NYAP2: variants seen among roughly 807,000 people sequenced by gnomAD.
NYAP2 encodes the protein neuronal tyrosine-phosphorylated phosphoinositide-3-kinase adaptor 2.
Under a neutral mutation model 50.4 loss-of-function variants are expected in NYAP2, and 23 were observed. The observed-to-expected ratio is 0.46, with a 90% CI of 0.33 to 0.65. The LOEUF is 0.65. Among genes scored for constraint, NYAP2 ranks in the 30% least tolerant of loss-of-function variants. The pLI, the probability that NYAP2 is intolerant of heterozygous loss-of-function variation, is 0.02. For synonymous variants in NYAP2, 394 were observed against 365.2 expected, an observed-to-expected ratio of 1.08 and a Z score of -0.90; for missense variants, 885 against 861.0, an observed-to-expected ratio of 1.03 and a Z score of -0.35.
intron 3 of NYAP2, among the ~76,000 whole-genome samples, chr2:225,496,163 G>A (rs1690501561): frequency 6.6e-6 from 1 of 152,194 alleles, no homozygotes; most frequent in Non-Finnish European, 1.5e-5. Context: ...GAGAGCTAAG[G>A]TTGAAAACGC....
chr2:225,543,794 A>T (rs1691518738), intron 4 of NYAP2, among the ~76,000 whole-genome samples: 1 of 152,064 alleles, frequency 6.6e-6, no homozygotes, highest in South Asian at 2.1e-4. Context: ...TATAGTTCAG[A>T]TTAAGTCCGA....
chr2:225,499,382 C>CA (rs1559196631), intron 3 of NYAP2, among the ~76,000 whole-genome samples: 5 of 151,724 alleles, frequency 3.3e-5, no homozygotes, highest in African/African-American at 1.2e-4. Context: ...TGGCGCCATC[C>CA]GCTCACTGCA....
chr2:225,661,975 C>T, the NYAP2 span, among the ~76,000 whole-genome samples: 5 of 152,250 alleles, frequency 3.3e-5, no homozygotes, highest in South Asian at 2.1e-4. Context: ...CTGCCCACCT[C>T]GGCCTCCCAA....
chr2:225,618,538 TAGG>T, intron 5 of NYAP2, among the ~76,000 whole-genome samples: 1 of 152,314 alleles, frequency 6.6e-6, no homozygotes, highest in East Asian at 1.9e-4. Flanking sequence ...GAAAAGGAAT[TAGG>T]AGAAGTCTTC....
the NYAP2 span, among the ~76,000 whole-genome samples, chr2:225,689,919 T>C: frequency 3.3e-5 from 5 of 152,154 alleles, no homozygotes; most frequent in Non-Finnish European, 7.4e-5. Flanking sequence ...AAGTAACTTA[T>C]ACAATGTCAT....
At chr2:225,519,972 T>A (rs1347374449) in intron 4 of NYAP2, among the ~76,000 whole-genome samples, 10 of 152,148 alleles carry the variant, frequency 6.6e-5, no homozygotes, top group Non-Finnish European at 1.2e-4. Context: ...TTCTAACTGG[T>A]GTGAGATGGT....
chr2:225,692,528 C>T, the NYAP2 span, among the ~76,000 whole-genome samples: 8 of 152,180 alleles, frequency 5.3e-5, no homozygotes, highest in South Asian at 1.2e-3. Context: ...TATGCTTTAG[C>T]TCTCTGCCTC....
At chr2:225,493,409 A>G (rs1157379265) in intron 3 of NYAP2, among the ~76,000 whole-genome samples, 1 of 152,226 alleles carries the variant, frequency 6.6e-6, no homozygotes, top group Non-Finnish European at 1.5e-5. Flanking sequence ...CAGGATCATG[A>G]ACTGGAGCTT....
At chr2:225,413,961 TA>T (rs1178305437) in intron 3 of NYAP2, among the ~76,000 whole-genome samples, 5 of 152,292 alleles carry the variant, frequency 3.3e-5, no homozygotes, top group African/African-American at 9.6e-5. Context: ...AAGGATTGCT[TA>T]AAAAATGGAA....
chr2:225,579,868 G>A (rs1393514729), intron 4 of NYAP2, among the ~76,000 whole-genome samples: 1 of 152,164 alleles, frequency 6.6e-6, no homozygotes, highest in African/African-American at 2.4e-5. Flanking sequence ...GATAATGAAA[G>A]CAAATTATAA....
At chr2:225,549,921 G>T (rs1173420656) in intron 4 of NYAP2, among the ~76,000 whole-genome samples, 1 of 151,860 alleles carries the variant, frequency 6.6e-6, no homozygotes, top group East Asian at 1.9e-4. Context: ...GGAGGCAGAG[G>T]TTGCAGTGAG....
At chr2:225,496,084 C>T (rs994119610) in intron 3 of NYAP2, among the ~76,000 whole-genome samples, 1 of 152,156 alleles carries the variant, frequency 6.6e-6, no homozygotes, top group Non-Finnish European at 1.5e-5. Flanking sequence ...ACAAGATTTA[C>T]AGCAATTGAG....
At chr2:225,648,090 T>C (rs1693665735) in intron 6 of NYAP2, among the ~76,000 whole-genome samples, 1 of 152,176 alleles carries the variant, frequency 6.6e-6, no homozygotes, top group Non-Finnish European at 1.5e-5. Flanking sequence ...AACCTCTGCC[T>C]CCCAGGTTCA....
At chr2:225,512,762 CTTTCTCTT>C (rs1041100724) in intron 3 of NYAP2, among the ~76,000 whole-genome samples, 8 of 135,658 alleles carry the variant, frequency 5.9e-5, no homozygotes, top group East Asian at 4.3e-4. Flanking sequence ...TTTCTTCTTT[CTTTCTCTT>C]TTTCTCTTTT....
At chr2:225,508,915 C>T (rs909234512) in intron 3 of NYAP2, among the ~76,000 whole-genome samples, 1 of 152,206 alleles carries the variant, frequency 6.6e-6, no homozygotes, top group African/African-American at 2.4e-5. Context: ...CCATGGCTGC[C>T]ACAGTTCACT....
rs139083371 is a variant in NYAP2 at position 225,570,083 on chromosome 2, A to C, written c.524-11858A>C. ...ATGGACATCCCATGTCTAGAACAGG[A>C]GGAGAGTGATTTGGAAACAAGCTAC... On this transcript the variant is annotated intron_variant, in intron 4 of 6. Coordinates refer to ENST00000636099, the Ensembl canonical transcript of NYAP2. Among the ~76,000 whole-genome samples the C allele has an allele frequency of 1.4e-3, 218 of 152,308 alleles. 1 individual carries two copies. Among genetic ancestry groups the C allele is most frequent in the African/African-American group, 4.9e-3 (203 of 41,550 alleles).
chr2:225,466,890 G>A (rs1030892248), intron 3 of NYAP2, among the ~76,000 whole-genome samples: 18 of 152,300 alleles, frequency 1.2e-4, no homozygotes, highest in African/African-American at 3.8e-4. Flanking sequence ...AGGAGAGGCC[G>A]AGGCAAGTTT....
intron 4 of NYAP2, among the ~76,000 whole-genome samples, chr2:225,579,246 A>T (rs1214302831): frequency 6.6e-6 from 1 of 152,164 alleles, no homozygotes; most frequent in Non-Finnish European, 1.5e-5. Flanking sequence ...TAGGGCTTCA[A>T]CAGATGAATT....
At chr2:225,662,928 A>G in the NYAP2 span, among the ~76,000 whole-genome samples, 1 of 152,228 alleles carries the variant, frequency 6.6e-6, no homozygotes, top group African/African-American at 2.4e-5. Flanking sequence ...CGACGATCGC[A>G]GTCTCCAGGC....
Sources: gnomAD v4.1 joint callset for allele counts (sites outside exome capture counted in the v4.1 genomes callset) on GRCh38, gnomAD v4.1.1 for gene constraint, MANE v1.5 for transcripts, NCBI Gene and HGNC (gene_info 2026-07-23, HGNC 2026-07-21) for gene names.